The following SLC6A17 variants were observed in gnomAD, a reference collection of about 807,000 sequenced individuals.
SLC6A17 encodes the protein sodium-dependent neutral amino acid transporter SLC6A17.
Under a neutral mutation model 64.5 loss-of-function variants are expected in SLC6A17, and 21 were observed. The ratio of observed to expected loss-of-function variants is 0.33; its 90% CI spans 0.23 to 0.47. The LOEUF (loss-of-function observed/expected upper bound fraction) is 0.47. Among genes scored for constraint, SLC6A17 ranks in the 20% least tolerant of loss-of-function variants. SLC6A17 has a pLI of 1.00. For missense variants in SLC6A17, 682 were observed against 963.2 expected, an observed-to-expected ratio of 0.71 and a Z score of 3.86; for synonymous variants, 372 against 399.5, an observed-to-expected ratio of 0.93 and a Z score of 0.82.
At chr1:110,194,537 G>T (rs377054231) in intron 8 of SLC6A17, 42 bp from the exon 9 acceptor site, 43 of 1,598,386 alleles carry the variant, frequency 2.7e-5, no homozygotes, top group Non-Finnish European at 3.7e-5. Context: ...GCTCCCCAGG[G>T]AGGGGTGACC....
chr1:110,165,859 G>GGT (rs1472369562), intron 1 of SLC6A17, among the ~76,000 whole-genome samples: 2 of 152,210 alleles, frequency 1.3e-5, no homozygotes, highest in Non-Finnish European at 1.5e-5. Context: ...CGCAGGCTGG[G>GGT]GTGTGTGTGT....
chr1:110,181,100 T>C lies in SLC6A17; in HGVS notation c.864+4361T>C, dbSNP rs192613251. ...TCGTGTTGACGGCTAATGAACTTCT[T>C]GAATTCCTCGGGCAGCTTTTCTCCT... On this transcript the variant is annotated intron_variant, in intron 6 of 11. Transcript: ENST00000331565. Among the ~76,000 whole-genome samples the C allele has an allele frequency of 2.4e-3, 361 of 152,342 alleles. 3 individuals carry two copies. Among genetic ancestry groups the C allele is most frequent in the African/African-American group, 8.5e-3 (353 of 41,582 alleles).
intron 6 of SLC6A17, among the ~76,000 whole-genome samples, chr1:110,184,356 C>T (rs961518024): frequency 6.6e-6 from 1 of 152,176 alleles, no homozygotes; most frequent in Non-Finnish European, 1.5e-5. Flanking sequence ...CCGCCCACCT[C>T]GGCCTCCCAA....
chr1:110,170,977 GC>G (rs1656209416), intron 2 of SLC6A17, among the ~76,000 whole-genome samples: 1 of 152,194 alleles, frequency 6.6e-6, no homozygotes, highest in Non-Finnish European at 1.5e-5. Context: ...TCCCCCCGCT[GC>G]CTGTGCAAGG....
rs112100557 is a variant in SLC6A17 at position 110,199,122 on chromosome 1, G to C, written c.*678G>C. On this transcript the variant is annotated 3_prime_UTR_variant, in exon 12 of 12. Transcript: ENST00000331565. ...GGAACCTCCTCTGCCCTGGTCCCTG[G>C]GTGGAATCTTCCCATGTCCTTGGCC... 1.3e-4 allele frequency: 20 copies of C among 152,626 alleles called. No homozygotes were observed. The highest frequency in any genetic ancestry group is 4.8e-4 in the African/African-American group (20 of 41,440). The allele number at this position is 152,626 out of a possible 1,614,324, so 9.5% of individuals were successfully genotyped here.
chr1:110,170,580 G>C (rs1458825045), intron 2 of SLC6A17, among the ~76,000 whole-genome samples: 2 of 152,244 alleles, frequency 1.3e-5, no homozygotes, highest in African/African-American at 4.8e-5. Context: ...AAAACCAAGA[G>C]ACCGAGTTAA....
chr1:110,172,412 C>A, intron 3 of SLC6A17, 195 bp downstream of exon 3: 1 of 694,974 alleles, frequency 1.4e-6, no homozygotes. Context: ...TGAGAGTCGA[C>A]CACGTTGCCT....
intron 1 of SLC6A17, among the ~76,000 whole-genome samples, chr1:110,165,582 C>A (rs987848802): frequency 2.6e-5 from 4 of 152,182 alleles, no homozygotes; most frequent in Non-Finnish European, 5.9e-5. Context: ...ATAAACCTCC[C>A]AGTTTCATTA....
intron 10 of SLC6A17, 71 bp from the exon 11 acceptor site, chr1:110,197,366 G>C: frequency 6.5e-7 from 1 of 1,538,600 alleles, no homozygotes; most frequent in Non-Finnish European, 8.8e-7. Context: ...TTCTGGAGGA[G>C]ATGGTGATGG....
intron 1 of SLC6A17, among the ~76,000 whole-genome samples, chr1:110,160,561 G>A (rs1375309779): frequency 6.6e-6 from 1 of 152,232 alleles, no homozygotes; most frequent in Non-Finnish European, 1.5e-5. Flanking sequence ...CAGGCGTAAC[G>A]ACAACTAGTT....
In SLC6A17 at chr1:110,194,646, C is replaced by A. The variant is rs141398428; in HGVS notation, c.1367C>A (p.Pro456Gln). 1 of 1,614,182 alleles carries A rather than the reference C, an allele frequency of 6.2e-7. No individual in the cohort carries two copies. Among genetic ancestry groups the A allele is most frequent in the South Asian group, 1.1e-5 (1 of 91,078 alleles). ...TEAMTHFPAS[P>Q]FWSVMFFLML... is the part of the protein sequence containing the mutation. ...GCCATGACGCACTTCCCCGCCTCCC[C>A]GTTCTGGTCCGTCATGTTCTTCTTG... is the stretch of plus-strand genomic sequence containing the variant. The change falls in exon 9 of 12, where the codon CCG (proline) becomes CAG (glutamine). Residue 456 changes from proline to glutamine, a missense_variant. Coordinates refer to ENST00000331565, the MANE Select transcript of SLC6A17 (RefSeq NM_001010898.4).
At chr1:110,159,089 T>C (rs1655833056) in intron 1 of SLC6A17, among the ~76,000 whole-genome samples, 1 of 152,178 alleles carries the variant, frequency 6.6e-6, no homozygotes, top group African/African-American at 2.4e-5. Flanking sequence ...ACTGGCGGGA[T>C]TAAAGGAGCT....
intron 6 of SLC6A17, chr1:110,178,493 A>G (rs1444046959): frequency 1.3e-5 from 2 of 152,274 alleles, no homozygotes; most frequent in Non-Finnish European, 2.9e-5. Context: ...ATGCCATTAA[A>G]GTGCCAGTGT....
intron 6 of SLC6A17, among the ~76,000 whole-genome samples, chr1:110,191,268 G>GC (rs1334370643): frequency 6.6e-6 from 1 of 152,168 alleles, no homozygotes; most frequent in African/African-American, 2.4e-5. Context: ...CTTGGTCCCT[G>GC]CCCCAAGGAA....
At position 110,163,511 on chromosome 1, in the gene SLC6A17, A is replaced by G. The variant is rs150908089; in HGVS notation, c.-87-3332A>G. ...TCAGGCACTCTGTGTGCGGCTGCTC[A>G]TTGGACCCTCACAGCAGCCCTCCCT... is the stretch of plus-strand genomic sequence containing the variant. On this transcript the variant is annotated intron_variant, in intron 1 of 11. Coordinates refer to ENST00000331565, the MANE Select transcript of SLC6A17 (RefSeq NM_001010898.4). Among the ~76,000 whole-genome samples the G allele has an allele frequency of 2.4e-3, 371 of 152,300 alleles. 3 individuals carry two copies. Among genetic ancestry groups the G allele is most frequent in the Middle Eastern group, 6.8e-3 (2 of 294 alleles).
chr1:110,174,055 T>C lies in SLC6A17; in HGVS notation c.527T>C (p.Leu176Pro). Residue 176 changes from leucine to proline, a missense_variant, in exon 4 of 12, where the codon CTG (leucine) becomes CCG (proline). Around this residue, in one of 3 missense-constraint regions of SLC6A17, gnomAD observed 415 missense variants for 603.8 expected, o/e 0.69. Transcript: ENST00000331565. Reference sequence around the variant, plus strand: ...TTCTTCAAGTCCTTCCAGTACCCGCTGCCCTGGAGTGAATGTCCTGTCGTC... The same window carrying C: ...TTCTTCAAGTCCTTCCAGTACCCGCCGCCCTGGAGTGAATGTCCTGTCGTC... ...FYFFKSFQYP[L>P]PWSECPVVRN... The C allele has an allele frequency of 1.2e-6, 2 of 1,614,188 alleles. No homozygotes were observed. The highest frequency in any genetic ancestry group is 8.5e-7 in the Non-Finnish European group (1 of 1,180,018).
Position 110,192,169 on chromosome 1 carries a change from G to A in SLC6A17, c.1062G>A (p.Val354=). 5 of 1,614,082 alleles carry A rather than the reference G, an allele frequency of 3.1e-6. No individual in the cohort carries two copies. Among genetic ancestry groups the A allele is most frequent in the Non-Finnish European group, 3.4e-6 (4 of 1,179,938 alleles). Residue 354 remains valine, a synonymous_variant, in exon 7 of 12, where the codon GTG becomes GTA. Coordinates refer to ENST00000331565, the MANE Select transcript of SLC6A17 (RefSeq NM_001010898.4). The surrounding 1 kb of genome is among the most constrained non-coding windows in gnomAD (Gnocchi z 4.3). The stretch of plus-strand genomic sequence containing the variant: ...TGGCCACCCTCGTGGTGTTTGCTGT[G>A]CTGGGCTTCAAGGCCAACATCATGA... The part of the protein sequence containing the change: ...SVLATLVVFA[V]LGFKANIMNE...
chr1:110,197,775 T>C (rs1271699358), intron 11 of SLC6A17, among the ~76,000 whole-genome samples, 176 bp downstream of exon 11: 1 of 152,224 alleles, frequency 6.6e-6, no homozygotes, highest in Non-Finnish European at 1.5e-5. Flanking sequence ...ATCATCCCTG[T>C]AGCACAAACG....
intron 6 of SLC6A17, among the ~76,000 whole-genome samples, chr1:110,181,652 A>G (rs1656527315): frequency 1.3e-5 from 2 of 152,258 alleles, no homozygotes; most frequent in Non-Finnish European, 1.5e-5. Context: ...TTCGGTGAGA[A>G]GAGTTGCAAT....
Sources: allele counts gnomAD v4.1 joint callset (sites outside exome capture counted in the v4.1 genomes callset), GRCh38; gene constraint gnomAD v4.1.1; regional missense constraint gnomAD v4.1.1; non-coding constraint Gnocchi (gnomAD v3.1); transcripts MANE v1.5; gene names NCBI Gene and HGNC (gene_info 2026-07-23, HGNC 2026-07-21).